The following CHPT1 variants were observed in gnomAD, a reference collection of about 807,000 sequenced individuals.
The protein encoded by CHPT1 is cholinephosphotransferase 1.
CHPT1 carries 36 observed loss-of-function variants against 47.6 expected under a neutral mutation model. That is an observed-to-expected ratio of 0.76 (90% CI 0.58 to 1.00). The LOEUF is 1.00. Ranked by LOEUF, CHPT1 falls within the 50% of genes least tolerant of loss-of-function variation. The pLI, the probability that CHPT1 is intolerant of heterozygous loss-of-function variation, is 0.00. For synonymous variants in CHPT1, 194 were observed against 186.3 expected (o/e 1.04, Z -0.33); for missense variants, 458 against 498.1 (o/e 0.92, Z 0.77).
In CHPT1 at chr12:101,720,226, G is replaced by T. The variant is rs765946077; in HGVS notation, c.752G>T (p.Gly251Val). 3 of 1,604,496 alleles carry T rather than the reference G, an allele frequency of 1.9e-6. No individual in the cohort carries two copies. Among genetic ancestry groups the T allele is most frequent in the East Asian group, 4.5e-5 (2 of 44,390 alleles). The change falls in exon 5 of 9, where the codon GGT (glycine) becomes GTT (valine). Residue 251 changes from glycine (G) to valine (V), a missense_variant. Gly to Val is a moderately radical substitution (Grantham distance 109). Coordinates refer to ENST00000229266, the MANE Select transcript of CHPT1 (RefSeq NM_020244.3). ...SNYFHVILHG[G>V]VGKNGSTIAG... ...TATTTCCATGTTATCCTCCATGGTG[G>T]TGTTGGCAAGAATGGATCCACTATA...
chr12:101,711,146 T>G (rs975036374), intron 1 of CHPT1, among the ~76,000 whole-genome samples: 2 of 148,190 alleles, frequency 1.3e-5, no homozygotes, highest in African/African-American at 4.9e-5. Flanking sequence ...AAACTCAAAA[T>G]GGATAAAATA....
At chr12:101,703,094 T>C (rs1831231116) in intron 1 of CHPT1, among the ~76,000 whole-genome samples, 1 of 152,206 alleles carries the variant, frequency 6.6e-6, no homozygotes, top group Admixed American at 6.5e-5. Context: ...AAACGTGGCA[T>C]CGTGGTATTT....
At chr12:101,702,183 C>G (rs1194128675) in intron 1 of CHPT1, among the ~76,000 whole-genome samples, 1 of 152,184 alleles carries the variant, frequency 6.6e-6, no homozygotes, top group Non-Finnish European at 1.5e-5. Flanking sequence ...TAACTCCAGC[C>G]TAGTAGCAGT....
chr12:101,714,668 A>C (rs1454328104), intron 3 of CHPT1, 23 bp downstream of exon 3: 1 of 1,583,200 alleles, frequency 6.3e-7, no homozygotes, highest in Non-Finnish European at 8.5e-7. Context: ...TTTAAGTTGT[A>C]CATTAAAAAA....
At position 101,723,770 on chromosome 12, in the gene CHPT1, T is replaced by C. The variant is rs753017500; in HGVS notation, c.988T>C (p.Leu330=). Residue 330 remains leucine, a synonymous_variant, in exon 7 of 9, where the codon TTG becomes CTG. Transcript: ENST00000229266. ...ACTATATCTTCAAGACACTGTCTTTTTGGGGCCAGGTCTTTTGTTTTTAGA... is the reference window on the plus strand; with the variant it reads ...ACTATATCTTCAAGACACTGTCTTTCTGGGGCCAGGTCTTTTGTTTTTAGA... ...SELYLQDTVF[L]GPGLLFLDQY... The C allele has an allele frequency of 1.0e-5, 16 of 1,594,466 alleles. No individual in the cohort carries two copies. The highest frequency in any genetic ancestry group is 5.4e-5 in the African/African-American group (4 of 74,060).
intron 5 of CHPT1, among the ~76,000 whole-genome samples, 200 bp from the exon 6 acceptor site, chr12:101,722,968 G>A (rs1171174771): frequency 6.6e-6 from 1 of 152,164 alleles, no homozygotes; most frequent in Admixed American, 6.5e-5. Flanking sequence ...AGACATCTGT[G>A]GCACTGTATT....
intron 5 of CHPT1, among the ~76,000 whole-genome samples, chr12:101,721,841 A>G (rs970864673): frequency 1.1e-4 from 17 of 152,092 alleles, no homozygotes; most frequent in Non-Finnish European, 2.2e-4. Flanking sequence ...CGGGCAGATC[A>G]TTAGGTCAGG....
chr12:101,706,328 C>T (rs955204836), intron 1 of CHPT1, among the ~76,000 whole-genome samples: 7 of 147,992 alleles, frequency 4.7e-5, no homozygotes, highest in Admixed American at 4.1e-4. Context: ...CCAGCCTGGG[C>T]GACAGAGTGA....
At chr12:101,698,802 A>G (rs1951504978) in intron 1 of CHPT1, among the ~76,000 whole-genome samples, 1 of 152,216 alleles carries the variant, frequency 6.6e-6, no homozygotes, top group Non-Finnish European at 1.5e-5. Flanking sequence ...GTACAAAATA[A>G]GGAGTAAATA....
chr12:101,699,331 C>A (rs1398244889), intron 1 of CHPT1, among the ~76,000 whole-genome samples: 2 of 150,804 alleles, frequency 1.3e-5, no homozygotes, highest in African/African-American at 2.4e-5. Flanking sequence ...AAAATTTGAT[C>A]GAGCCTACAT....
intron 1 of CHPT1, among the ~76,000 whole-genome samples, chr12:101,699,746 A>G (rs115091923): frequency 0.027 from 4,183 of 152,254 alleles, 197 homozygotes; most frequent in African/African-American, 0.095. Context: ...ATTCATTTAC[A>G]TATTACATAT....
At chr12:101,722,040 CAG>C (rs1254708481) in intron 5 of CHPT1, among the ~76,000 whole-genome samples, 1 of 149,606 alleles carries the variant, frequency 6.7e-6, no homozygotes, top group African/African-American at 2.5e-5. Context: ...GCCTGGGTGA[CAG>C]AGCTAGATTC....
intron 1 of CHPT1, among the ~76,000 whole-genome samples, chr12:101,710,694 A>G (rs1951692708): frequency 6.7e-6 from 1 of 148,998 alleles, no homozygotes; most frequent in Non-Finnish European, 1.5e-5. Flanking sequence ...TTATTTCAGT[A>G]TGAATTTCTG....
At chr12:101,705,839 C>A (rs374639975) in intron 1 of CHPT1, among the ~76,000 whole-genome samples, 1 of 146,272 alleles carries the variant, frequency 6.8e-6, no homozygotes, top group African/African-American at 2.6e-5. Flanking sequence ...GATCCTCCCC[C>A]CTCAGCCTCC....
At chr12:101,713,639 T>C (rs1162096629) in intron 1 of CHPT1, among the ~76,000 whole-genome samples, 4 of 152,168 alleles carry the variant, frequency 2.6e-5, no homozygotes, top group African/African-American at 7.2e-5. Context: ...TTTTGTTTTT[T>C]TAAAAATATA....
chr12:101,698,035 GCTC>G lies in CHPT1; in HGVS notation c.175_177del (p.Leu59del). On this transcript the variant is annotated inframe_deletion, in exon 1 of 9. Coordinates refer to ENST00000229266, the MANE Select transcript of CHPT1 (RefSeq NM_020244.3). Reference sequence around the variant, plus strand: ...GGACCTGGCTGCTCCAGTGGATCCCGCTCTGGATGGCCCCCAACTCCATCACCC... The same window carrying G: ...GGACCTGGCTGCTCCAGTGGATCCCGTGGATGGCCCCCAACTCCATCACCC... 5.1e-6 allele frequency: 8 copies of G among 1,580,410 alleles called. No individual in the cohort carries two copies. The highest frequency in any genetic ancestry group is 6.8e-6 in the Non-Finnish European group (8 of 1,171,838).
rs550398708 is a variant in CHPT1 at position 101,703,994 on chromosome 12, C to T, written c.273+5860C>T. On this transcript the variant is annotated intron_variant, in intron 1 of 8. Transcript: ENST00000229266. ...GCATTACATGTTTTTCACATATGCA[C>T]AATATGTCTTCTAATGTCCTTTCTT... 2.6e-5 allele frequency among the ~76,000 whole-genome samples: 4 copies of T among 152,282 alleles called. No individual in the cohort carries two copies. The South Asian group carries it at 8.3e-4, about 32-fold the overall frequency.
intron 1 of CHPT1, among the ~76,000 whole-genome samples, chr12:101,707,890 A>G (rs1951655043): frequency 6.6e-6 from 1 of 152,196 alleles, no homozygotes; most frequent in Non-Finnish European, 1.5e-5. Flanking sequence ...GTCTCTTAAT[A>G]TGGAAACGTT....
chr12:101,722,996 A>G (rs1017381347), intron 5 of CHPT1, among the ~76,000 whole-genome samples, 172 bp from the exon 6 acceptor site: 2 of 152,204 alleles, frequency 1.3e-5, no homozygotes, highest in Admixed American at 6.5e-5. Flanking sequence ...TGTCACCCTC[A>G]GGTTCTATGA....
Sources: gnomAD v4.1 joint callset for allele counts (sites outside exome capture counted in the v4.1 genomes callset) on GRCh38, gnomAD v4.1.1 for gene constraint, MANE v1.5 for transcripts, NCBI Gene and HGNC (gene_info 2026-07-23, HGNC 2026-07-21) for gene names.